The following ERGIC2 variants were observed in gnomAD, a reference collection of about 807,000 sequenced individuals.
The protein encoded by ERGIC2 is endoplasmic reticulum-Golgi intermediate compartment protein 2.
Under a neutral mutation model 52.5 loss-of-function variants are expected in ERGIC2, and 31 were observed. The observed-to-expected ratio is 0.59, with a 90% CI of 0.44 to 0.80. The LOEUF is 0.80. Among genes scored for constraint, ERGIC2 ranks in the 30% least tolerant of loss-of-function variants. ERGIC2 has a pLI of 0.00. For synonymous variants in ERGIC2, 129 were observed against 140.6 expected (o/e 0.92, Z 0.58); for missense variants, 395 against 455.2 (o/e 0.87, Z 1.20).
At chr12:29,360,853 G>C (rs1940275163) in intron 6 of ERGIC2, among the ~76,000 whole-genome samples, 1 of 151,594 alleles carries the variant, frequency 6.6e-6, no homozygotes, top group South Asian at 2.1e-4. Flanking sequence ...CACACTGTAA[G>C]AAGAATTATC....
At chr12:29,343,791 G>C (rs1949857093) in intron 11 of ERGIC2, among the ~76,000 whole-genome samples, 1 of 152,112 alleles carries the variant, frequency 6.6e-6, no homozygotes, top group Non-Finnish European at 1.5e-5. Context: ...ATCATGCTGA[G>C]TTATAAATAT....
chr12:29,369,748 A>C (rs1034035015), intron 3 of ERGIC2, among the ~76,000 whole-genome samples: 2 of 152,040 alleles, frequency 1.3e-5, no homozygotes, highest in Non-Finnish European at 1.5e-5. Context: ...ACATCAAGTC[A>C]TAAGGGTATA....
Position 29,340,384 on chromosome 12 carries a change from T to G in ERGIC2, c.*772A>C, listed in dbSNP as rs1333892160. 6.6e-6 allele frequency: 1 copy of G among 152,384 alleles called. No individual in the cohort carries two copies. Among genetic ancestry groups the G allele is most frequent in the Non-Finnish European group, 1.5e-5 (1 of 68,170 alleles). The allele number at this position is 152,384 out of a possible 1,614,324, so 9.4% of individuals were successfully genotyped here. On this transcript the variant is annotated 3_prime_UTR_variant, in exon 14 of 14. Coordinates refer to ENST00000360150, the MANE Select transcript of ERGIC2 (RefSeq NM_016570.3). Reference sequence around the variant, plus strand: ...TAATATAATGATTAGATTAAAAAACTTGGCATCTTTTTTAAAAAAATGTGC... The same window carrying G: ...TAATATAATGATTAGATTAAAAAACGTGGCATCTTTTTTAAAAAAATGTGC...
chr12:29,346,647 A>T (rs755283807), intron 10 of ERGIC2, among the ~76,000 whole-genome samples: 2 of 152,244 alleles, frequency 1.3e-5, no homozygotes, highest in Non-Finnish European at 2.9e-5. Flanking sequence ...CTGATATTAC[A>T]GTAGGAAGAA....
At chr12:29,347,243 T>G (rs1336538101) in intron 10 of ERGIC2, among the ~76,000 whole-genome samples, 1 of 152,196 alleles carries the variant, frequency 6.6e-6, no homozygotes, top group Non-Finnish European at 1.5e-5. Flanking sequence ...CAGCTCTGTC[T>G]TCAAGACATA....
At chr12:29,373,822 C>T (rs181401787) in intron 1 of ERGIC2, among the ~76,000 whole-genome samples, 2 of 152,274 alleles carry the variant, frequency 1.3e-5, no homozygotes, top group South Asian at 2.1e-4. Context: ...CTGACCCCCA[C>T]GTCAGTTATA....
chr12:29,347,846 A>C (rs1201037283), intron 10 of ERGIC2, among the ~76,000 whole-genome samples: 2 of 152,228 alleles, frequency 1.3e-5, no homozygotes, highest in Non-Finnish European at 2.9e-5. Context: ...GCATTTCAGA[A>C]TATGACTCTA....
At chr12:29,341,850 T>C in intron 12 of ERGIC2, 34 bp from the exon 13 acceptor site, 1 of 1,013,162 alleles carries the variant, frequency 9.9e-7, no homozygotes, top group Non-Finnish European at 1.6e-6. Context: ...CTTTTAATTA[T>C]TTCCTAAACT....
chr12:29,365,587 T>G (rs757350411), intron 5 of ERGIC2, among the ~76,000 whole-genome samples: 2 of 151,478 alleles, frequency 1.3e-5, no homozygotes, highest in Non-Finnish European at 2.9e-5. Context: ...AACCTTCACA[T>G]GTACTCCATG....
rs1940038706 is a variant in ERGIC2 at position 29,345,704 on chromosome 12, G to A, written c.728-164C>T. On this transcript the variant is annotated intron_variant, in intron 10 of 13. Coordinates refer to ENST00000360150, the MANE Select transcript of ERGIC2 (RefSeq NM_016570.3). Reference sequence around the variant, plus strand: ...TGACGAAGGAGGACTGCTTGAGTGTGGGAGTTCAAGAACAGTCTCGAACTT... The same window carrying A: ...TGACGAAGGAGGACTGCTTGAGTGTAGGAGTTCAAGAACAGTCTCGAACTT... 1.7e-5 allele frequency: 10 copies of A among 604,230 alleles called. No individual in the cohort carries two copies. The East Asian group carries it at 2.3e-4, about 14-fold the overall frequency. 37.4% of individuals were successfully genotyped at this position (604,230 alleles called of 1,614,324 possible).
intron 12 of ERGIC2, among the ~76,000 whole-genome samples, chr12:29,342,156 C>T (rs1396073069): frequency 2.0e-5 from 3 of 152,122 alleles, no homozygotes; most frequent in Non-Finnish European, 4.4e-5. Context: ...GGATTACAGG[C>T]ATGTACCACC....
At chr12:29,356,991 A>T (rs1940215604) in intron 7 of ERGIC2, among the ~76,000 whole-genome samples, 2 of 151,202 alleles carry the variant, frequency 1.3e-5, no homozygotes, top group South Asian at 4.2e-4. Flanking sequence ...CTTTTGAGAC[A>T]CAGTCTTGCT....
chr12:29,370,034 A>G, intron 3 of ERGIC2, 80 bp downstream of exon 3: 1 of 1,277,368 alleles, frequency 7.8e-7, no homozygotes, highest in Admixed American at 3.9e-5. Context: ...AGAAGGTTAG[A>G]CTTTTTCTTT....
intron 6 of ERGIC2, among the ~76,000 whole-genome samples, chr12:29,360,333 T>C (rs1940265834): frequency 6.6e-6 from 1 of 151,564 alleles, no homozygotes; most frequent in Admixed American, 6.6e-5. Flanking sequence ...TATGCATCAA[T>C]AAGGATCCAA....
At chr12:29,372,294 G>T (rs1940451660) in intron 1 of ERGIC2, among the ~76,000 whole-genome samples, 1 of 151,978 alleles carries the variant, frequency 6.6e-6, no homozygotes, top group Non-Finnish European at 1.5e-5. Flanking sequence ...AGTAAGCCAA[G>T]ATCATGCCAC....
At chr12:29,360,563 T>C (rs1313635866) in intron 6 of ERGIC2, among the ~76,000 whole-genome samples, 1 of 147,744 alleles carries the variant, frequency 6.8e-6, no homozygotes, top group Non-Finnish European at 1.5e-5. Flanking sequence ...TATAAATATA[T>C]AATATACTCA....
intron 1 of ERGIC2, among the ~76,000 whole-genome samples, chr12:29,377,658 T>A (rs1435508748): frequency 2.0e-5 from 3 of 152,168 alleles, no homozygotes; most frequent in Non-Finnish European, 4.4e-5. Flanking sequence ...GAGGGGTGAC[T>A]GTATTTTGAA....
chr12:29,373,872 T>C (rs1659215547), intron 1 of ERGIC2, among the ~76,000 whole-genome samples: 1 of 152,226 alleles, frequency 6.6e-6, no homozygotes, highest in Non-Finnish European at 1.5e-5. Context: ...TTCTGAATGT[T>C]TGTTATGTAT....
At chr12:29,379,315 G>T (rs1774395566) in intron 1 of ERGIC2, among the ~76,000 whole-genome samples, 1 of 152,078 alleles carries the variant, frequency 6.6e-6, no homozygotes. Context: ...GGCACTCAGA[G>T]GGTAGATCTG....
Sources: gnomAD v4.1 joint callset for allele counts (sites outside exome capture counted in the v4.1 genomes callset) on GRCh38, gnomAD v4.1.1 for gene constraint, MANE v1.5 for transcripts, NCBI Gene and HGNC (gene_info 2026-07-23, HGNC 2026-07-21) for gene names.